The following SMCHD1 variants were observed in gnomAD, a reference collection of about 807,000 sequenced individuals.
The protein encoded by SMCHD1 is structural maintenance of chromosomes flexible hinge domain containing 1.
Under a neutral mutation model 254.7 loss-of-function variants are expected in SMCHD1, and 78 were observed. The observed-to-expected ratio is 0.31, with a 90% confidence interval of 0.26 to 0.37. SMCHD1 has a LOEUF of 0.37. SMCHD1 is among the 10% of genes least tolerant of loss of function. SMCHD1 has a pLI of 1.00. For synonymous variants in SMCHD1, 766 were observed against 794.9 expected (o/e 0.96, Z 0.61); for missense variants, 1,840 against 2,408.1 (o/e 0.76, Z 4.94).
chr18:2,751,502 A>G, intron 33 of SMCHD1, 109 bp downstream of exon 33: 1 of 633,472 alleles, frequency 1.6e-6, no homozygotes, highest in Non-Finnish European at 2.7e-6. Context: ...TGAGAAATGG[A>G]AGTGAATTTA....
rs1320209089 is a variant in SMCHD1, at chr18:2,711,976, C to T, written c.2260+4056C>T. Among the ~76,000 whole-genome samples, 6 of 152,298 alleles carry T rather than the reference C, an allele frequency of 3.9e-5. No individual in the cohort carries two copies. In the East Asian group the frequency reaches 5.8e-4, roughly 15 times the overall value. ...CATATGATCTCTGCATACACTGGCT[C>T]CCCTTCACCTTCCACCATGAGTGGA... On this transcript the variant is annotated intron_variant, in intron 17 of 47. Transcript: ENST00000320876.
At chr18:2,698,139 G>A in intron 10 of SMCHD1, 98 bp downstream of exon 10, 1 of 855,666 alleles carries the variant, frequency 1.2e-6, no homozygotes, top group Non-Finnish European at 1.7e-6. Flanking sequence ...ATTCAGGTTA[G>A]ATAAATATTA....
chr18:2,731,955 G>A (rs1368581056), intron 24 of SMCHD1, among the ~76,000 whole-genome samples: 1 of 152,166 alleles, frequency 6.6e-6, no homozygotes, highest in African/African-American at 2.4e-5. Flanking sequence ...AGGTTGCAGT[G>A]AGCCAAGATC....
At chr18:2,744,076 T>C (rs906386385) in intron 29 of SMCHD1, 148 bp downstream of exon 29, 26 of 616,038 alleles carry the variant, frequency 4.2e-5, no homozygotes, top group Admixed American at 1.3e-4. Context: ...AGCAAGGTAA[T>C]GTGAGTCTTA....
rs1212453766 is a variant in SMCHD1 at position 2,716,843 on chromosome 18, G to A, written c.2261-1315G>A. 3.9e-5 allele frequency among the ~76,000 whole-genome samples: 6 copies of A among 152,212 alleles called. No homozygotes were observed. The South Asian group carries it at 1.2e-3, about 31-fold the overall frequency. On this transcript the variant is annotated intron_variant, in intron 17 of 47. Transcript: ENST00000320876. ...CAGCCAGCCAAGTCACAGGCAGTCT[G>A]TCCTCAGATTGTGAATCTGTCTCAG... is the stretch of plus-strand genomic sequence containing the variant.
At chr18:2,689,120 T>A (rs1470910030) in intron 7 of SMCHD1, among the ~76,000 whole-genome samples, 1 of 152,124 alleles carries the variant, frequency 6.6e-6, no homozygotes, top group African/African-American at 2.4e-5. Flanking sequence ...CTTGTGTTCA[T>A]AAGACAAAAT....
At chr18:2,793,656 C>CAAAAAAAAAAAAAAAAAAAAAAAA (rs1277905569) in intron 45 of SMCHD1, among the ~76,000 whole-genome samples, 14 of 43,898 alleles carry the variant, frequency 3.2e-4, no homozygotes, top group Middle Eastern at 0.016. Context: ...GACTCCGTCT[C>CAAAAAAAAAAAAAAAAAAAAAAAA]AAAAAAAAAA....
intron 19 of SMCHD1, among the ~76,000 whole-genome samples, chr18:2,719,519 G>A (rs1228148294): frequency 3.3e-5 from 5 of 152,068 alleles, no homozygotes; most frequent in South Asian, 4.2e-4. Context: ...GGCTGGTCTC[G>A]AACTTCTGAC....
chr18:2,659,866 T>C (rs8099427), intron 1 of SMCHD1, among the ~76,000 whole-genome samples: 1,523 of 151,194 alleles, frequency 0.01, 21 homozygotes, highest in African/African-American at 0.035. Context: ...GTTTGCAGAG[T>C]TTCAGAGCAG....
chr18:2,661,527 A>G lies in SMCHD1; in HGVS notation c.187-4630A>G, dbSNP rs528294383. 6.0e-5 allele frequency among the ~76,000 whole-genome samples: 9 copies of G among 151,186 alleles called. No individual in the cohort carries two copies. The East Asian group carries it at 1.7e-3, about 29-fold the overall frequency. On this transcript the variant is annotated intron_variant, in intron 1 of 47. Coordinates refer to ENST00000320876, the MANE Select transcript of SMCHD1 (RefSeq NM_015295.3). ...ATTAAAAAACATCTGTGGGTTTTTAATATGGATTAAACATCTGTGGGTTTT... is the reference window on the plus strand; with the variant it reads ...ATTAAAAAACATCTGTGGGTTTTTAGTATGGATTAAACATCTGTGGGTTTT...
At chr18:2,783,278 G>A (rs922479817) in intron 44 of SMCHD1, among the ~76,000 whole-genome samples, 3 of 152,088 alleles carry the variant, frequency 2.0e-5, no homozygotes, top group African/African-American at 4.8e-5. Flanking sequence ...TTGCTGAATC[G>A]TGCAGAATGT....
rs966145049 is a variant in SMCHD1, at chr18:2,718,554, TTTA to T, written c.2458+123_2458+125del. Reference sequence around the variant, plus strand: ...AATTGGGTAACCATCTCGATTTTATTTTATTTTCTTACTTACTTTGAGATGGGG... The same window carrying T: ...AATTGGGTAACCATCTCGATTTTATTTTTTCTTACTTACTTTGAGATGGGG... On this transcript the variant is annotated intron_variant, in intron 19 of 47. Transcript: ENST00000320876. The surrounding 1 kb of genome is among the most constrained non-coding windows in gnomAD (Gnocchi z 4.6). 3.5e-6 allele frequency: 3 copies of T among 856,322 alleles called. No individual in the cohort carries two copies. The highest frequency in any genetic ancestry group is 5.1e-6 in the Non-Finnish European group (3 of 588,916). The allele number at this position is 856,322 out of a possible 1,614,324, so 53.0% of individuals were successfully genotyped here.
At chr18:2,724,831 G>A in intron 20 of SMCHD1, 68 bp from the exon 21 acceptor site, 1 of 782,588 alleles carries the variant, frequency 1.3e-6, no homozygotes, top group East Asian at 2.9e-5. Flanking sequence ...ACATAGGAAA[G>A]CAAAAACACA....
At chr18:2,691,846 G>A (rs1372210411) in intron 7 of SMCHD1, 1 of 152,258 alleles carries the variant, frequency 6.6e-6, no homozygotes, top group East Asian at 1.9e-4. Flanking sequence ...TGATCCACGA[G>A]TTGGAATGAT....
rs1223896946 is a variant in SMCHD1 at position 2,688,693 on chromosome 18, G to A, written c.819G>A (p.Glu273=). ...HELVLSKEDF[E]KKEKNKEAIY... is the part of the protein sequence containing the mutation. ...TTGTGCTTTCTAAAGAAGATTTTGAGAAGAAGGAGAAAAATAAAGAGGCAA... is the reference window on the plus strand; with the variant it reads ...TTGTGCTTTCTAAAGAAGATTTTGAAAAGAAGGAGAAAAATAAAGAGGCAA... The change falls in exon 7 of 48, where the codon GAG becomes GAA. Residue 273 remains glutamate, a synonymous_variant. Coordinates refer to ENST00000320876, the MANE Select transcript of SMCHD1 (RefSeq NM_015295.3). The A allele has an allele frequency of 6.5e-7, 1 of 1,530,328 alleles. No homozygotes were observed. Among genetic ancestry groups the A allele is most frequent in the East Asian group, 2.4e-5 (1 of 41,674 alleles). 94.8% of individuals were successfully genotyped at this position (1,530,328 alleles called of 1,614,324 possible).
chr18:2,738,530 G>C lies in SMCHD1; in HGVS notation c.3410G>C (p.Ser1137Thr). 6.2e-7 allele frequency: 1 copy of C among 1,611,964 alleles called. No individual in the cohort carries two copies. The highest frequency in any genetic ancestry group is 1.3e-5 in the African/African-American group (1 of 74,926). Residue 1137 changes from serine (S) to threonine (T), a missense_variant, in exon 26 of 48, where the codon AGT (serine) becomes ACT (threonine). Around this residue, in one of 9 missense-constraint regions of SMCHD1, gnomAD observed 881 missense variants for 1,009.5 expected, o/e 0.87. Transcript: ENST00000320876. Reference sequence around the variant, plus strand: ...CAAGATGATCATGTGTCTTTGGAAAGTGCGTTTACAGTAAGGTTTGTGGAC... The same window carrying C: ...CAAGATGATCATGTGTCTTTGGAAACTGCGTTTACAGTAAGGTTTGTGGAC... ...SFQDDHVSLE[S>T]AFTVRPLPDE...
At chr18:2,772,566 G>A (rs1013961615) in intron 41 of SMCHD1, among the ~76,000 whole-genome samples, 194 bp downstream of exon 41, 23 of 152,198 alleles carry the variant, frequency 1.5e-4, no homozygotes, top group African/African-American at 5.1e-4. Context: ...ACTATTGAGG[G>A]CTGTGGCAAA....
chr18:2,663,110 G>C (rs768189509), intron 1 of SMCHD1, among the ~76,000 whole-genome samples: 2 of 151,838 alleles, frequency 1.3e-5, no homozygotes, highest in African/African-American at 4.8e-5. Flanking sequence ...TGTGCTATTT[G>C]CATCTTTTGA....
intron 22 of SMCHD1, among the ~76,000 whole-genome samples, chr18:2,727,637 C>G (rs1568247801): frequency 6.6e-6 from 1 of 151,976 alleles, no homozygotes; most frequent in African/African-American, 2.4e-5. Context: ...ACTTACTAGC[C>G]TTGTGACCTG....
Sources: gnomAD v4.1 joint callset for allele counts (sites outside exome capture counted in the v4.1 genomes callset) on GRCh38, gnomAD v4.1.1 for gene constraint, gnomAD v4.1.1 regional missense constraint, Gnocchi (gnomAD v3.1) non-coding constraint, MANE v1.5 for transcripts, NCBI Gene and HGNC (gene_info 2026-07-23, HGNC 2026-07-21) for gene names.